The following LRIG2 variants were observed in gnomAD, a reference collection of about 807,000 sequenced individuals.
LRIG2 encodes the protein leucine rich repeats and immunoglobulin like domains 2, also known as leucine-rich repeats and immunoglobulin-like domains protein 2.
Under a neutral mutation model 107.8 loss-of-function variants are expected in LRIG2, and 93 were observed. The ratio of observed to expected loss-of-function variants is 0.86; its 90% confidence interval spans 0.73 to 1.03. The LOEUF (loss-of-function observed/expected upper bound fraction) is 1.03. Ranked by LOEUF, LRIG2 falls within the 50% of genes least tolerant of loss-of-function variation. LRIG2 has a pLI of 0.00. For synonymous variants in LRIG2, 471 were observed against 470.6 expected, an observed-to-expected ratio of 1.00 and a Z score of -0.01; for missense variants, 1,226 against 1,296.0, an observed-to-expected ratio of 0.95 and a Z score of 0.83.
rs771130328 is a variant in LRIG2, at chr1:113,112,676, A to C, written c.1996A>C (p.Lys666Gln). ...TGACGTCTTCTTTATTGCCAATGTG[A>C]AAATAGAAGATATGGGAATCTATAG... ...EDDVFFIANV[K>Q]IEDMGIYSCM... is the part of the protein sequence containing the mutation. The change falls in exon 14 of 18, where the codon AAA becomes CAA. Residue 666 changes from lysine to glutamine, a missense_variant. By Grantham distance (53) the Lys-to-Gln change is moderately conservative (BLOSUM62 1). This residue lies in a region of LRIG2 where 642 missense variants were observed against 712.2 expected (regional missense o/e 0.90). Coordinates refer to ENST00000361127, the MANE Select transcript of LRIG2 (RefSeq NM_014813.3). The C allele has an allele frequency of 6.2e-7, 1 of 1,614,056 alleles. No individual in the cohort carries two copies. The highest frequency in any genetic ancestry group is 1.1e-5 in the South Asian group (1 of 91,084).
At chr1:113,118,773 T>G (rs1290703538) in intron 16 of LRIG2, among the ~76,000 whole-genome samples, 1 of 152,076 alleles carries the variant, frequency 6.6e-6, no homozygotes, top group Non-Finnish European at 1.5e-5. Context: ...CACGCCATCT[T>G]CCTGCCTCAG....
rs1269936778 is a variant in LRIG2 at position 113,073,269 on chromosome 1, C to T, written c.-138C>T. 2.7e-6 allele frequency: 2 copies of T among 729,876 alleles called. No homozygotes were observed. Among genetic ancestry groups the T allele is most frequent in the Non-Finnish European group, 4.7e-6 (2 of 423,810 alleles). 45.2% of individuals were successfully genotyped at this position (729,876 alleles called of 1,614,324 possible). ...GCTGTCGCGCTGCGTCTGCTCCTTG[C>T]ATGCCTTTAGATGGTACAGCCTTCA... On this transcript the variant is annotated 5_prime_UTR_variant, in exon 1 of 18. Coordinates refer to ENST00000361127, the MANE Select transcript of LRIG2 (RefSeq NM_014813.3).
chr1:113,090,999 G>A (rs146568293), intron 1 of LRIG2, among the ~76,000 whole-genome samples: 92 of 151,802 alleles, frequency 6.1e-4, no homozygotes, highest in Non-Finnish European at 1.1e-3. Flanking sequence ...TTACAGGCGT[G>A]TGCCACCACA....
chr1:113,097,069 G>A (rs1380686910), intron 8 of LRIG2, among the ~76,000 whole-genome samples: 2 of 151,952 alleles, frequency 1.3e-5, no homozygotes, highest in Non-Finnish European at 2.9e-5. Context: ...GTGAAGGAAG[G>A]ATATAGGATT....
chr1:113,111,586 A>C (rs981625945), intron 13 of LRIG2, among the ~76,000 whole-genome samples: 114 of 151,992 alleles, frequency 7.5e-4, no homozygotes, highest in African/African-American at 2.7e-3. Flanking sequence ...TTGGTTTTTC[A>C]CTCCACACAG....
In LRIG2 at chr1:113,073,265, C is replaced by A; in HGVS notation, c.-142C>A. 1.4e-6 allele frequency: 1 copy of A among 717,648 alleles called. No homozygotes were observed. Among genetic ancestry groups the A allele is most frequent in the South Asian group, 1.7e-5 (1 of 58,076 alleles). 44.5% of individuals were successfully genotyped at this position (717,648 alleles called of 1,614,324 possible). A position where few individuals can be genotyped will look rare whatever the true frequency, so the allele number is the denominator to read the frequency against. On this transcript the variant is annotated 5_prime_UTR_variant, in exon 1 of 18. Coordinates refer to ENST00000361127, the MANE Select transcript of LRIG2 (RefSeq NM_014813.3). ...CCCCGCTGTCGCGCTGCGTCTGCTC[C>A]TTGCATGCCTTTAGATGGTACAGCC...
rs1655479463 is a variant in LRIG2, at chr1:113,126,199, G to T, written c.*2098G>T. ...GTTATTTGCTCTCTCAATGTCTCAT[G>T]TTGCTGAGTTCTAGAAAATCTCTGT... is the stretch of plus-strand genomic sequence containing the variant. On this transcript the variant is annotated 3_prime_UTR_variant, in exon 18 of 18. Coordinates refer to ENST00000361127, the MANE Select transcript of LRIG2 (RefSeq NM_014813.3). 1 of 152,148 alleles carries T rather than the reference G, an allele frequency of 6.6e-6. No individual in the cohort carries two copies. Among genetic ancestry groups the T allele is most frequent in the Non-Finnish European group, 1.5e-5 (1 of 68,042 alleles). 9.4% of individuals were successfully genotyped at this position (152,148 alleles called of 1,614,324 possible).
In LRIG2 at chr1:113,123,872, C is replaced by G; in HGVS notation, c.2972-3C>G. 1 of 1,613,148 alleles carries G rather than the reference C, an allele frequency of 6.2e-7. No individual in the cohort carries two copies. Among genetic ancestry groups the G allele is most frequent in the Non-Finnish European group, 8.5e-7 (1 of 1,179,304 alleles). On this transcript the variant is annotated splice_polypyrimidine_tract_variant and splice_region_variant and intron_variant, in intron 17 of 17. Transcript: ENST00000361127. ...ACTGATAATTCTTGTCTTTCATTCT[C>G]AGAAACATTGCAGCGGCCCGTGTGG...
chr1:113,107,641 T>C lies in LRIG2; in HGVS notation c.1361T>C (p.Leu454Pro), dbSNP rs1249870432. The C allele has an allele frequency of 6.2e-7, 1 of 1,613,434 alleles. No homozygotes were observed. Among genetic ancestry groups the C allele is most frequent in the Non-Finnish European group, 8.5e-7 (1 of 1,179,502 alleles). ...CTCTGTGACTGCCATTTGAAGTGGC[T>C]ACTTCAATGGTTGGTTGATAATAAC... ...SLLCDCHLKW[L>P]LQWLVDNNFQ... Residue 454 changes from leucine (L) to proline (P), a missense_variant, in exon 12 of 18, where the codon CTA becomes CCA. By Grantham distance (98) the Leu-to-Pro change is moderately conservative. Coordinates refer to ENST00000361127, the MANE Select transcript of LRIG2 (RefSeq NM_014813.3).
chr1:113,107,287 T>C (rs925871800), intron 11 of LRIG2, among the ~76,000 whole-genome samples: 5 of 152,124 alleles, frequency 3.3e-5, no homozygotes, highest in Admixed American at 2.0e-4. Context: ...TCCCCAATGT[T>C]AAAAAAAGTC....
At chr1:113,111,304 C>T (rs547657598) in intron 13 of LRIG2, among the ~76,000 whole-genome samples, 2 of 152,306 alleles carry the variant, frequency 1.3e-5, no homozygotes, top group Admixed American at 1.3e-4. Context: ...CCAAAGTATT[C>T]GGATTACAGG....
At position 113,094,354 on chromosome 1, in the gene LRIG2, C is replaced by T. The variant is rs149861564; in HGVS notation, c.531C>T (p.Asn177=). The T allele has an allele frequency of 2.6e-5, 41 of 1,602,100 alleles. No homozygotes were observed. Among genetic ancestry groups the T allele is most frequent in the Non-Finnish European group, 3.1e-5 (37 of 1,176,894 alleles). ...TTTATTTTAGGAATTTAAGTAATAA[C>T]AGAATAACCACCTTGGAGGCTGGTT... is the stretch of plus-strand genomic sequence containing the variant. The part of the protein sequence containing the change: ...MQLKYLNLSN[N]RITTLEAGCF... Residue 177 remains asparagine (N), a synonymous_variant, in exon 5 of 18, where the codon AAC becomes AAT. Transcript: ENST00000361127.
In LRIG2 at chr1:113,093,149, T is replaced by C. The variant is rs112146690; in HGVS notation, c.306-57T>C. 630 of 1,078,238 alleles carry C rather than the reference T, an allele frequency of 5.8e-4. 2 individuals carry two copies. The African/African-American group carries it at 8.5e-3, about 15-fold the overall frequency. 66.8% of individuals were successfully genotyped at this position (1,078,238 alleles called of 1,614,324 possible). On this transcript the variant is annotated intron_variant, in intron 2 of 17. Coordinates refer to ENST00000361127, the MANE Select transcript of LRIG2 (RefSeq NM_014813.3). ...AATATGTGTTAGCCAGAAGGTAGAA[T>C]CCAAGAGGTAATATTTCCCTCACTA...
At chr1:113,092,932 T>G (rs1470269302) in intron 2 of LRIG2, among the ~76,000 whole-genome samples, 1 of 151,098 alleles carries the variant, frequency 6.6e-6, no homozygotes, top group African/African-American at 2.4e-5. Flanking sequence ...GAGGTTGCAG[T>G]GAGCCAAGAT....
intron 11 of LRIG2, chr1:113,103,586 CTG>C (rs1394870758): frequency 1.3e-5 from 2 of 152,992 alleles, no homozygotes. Context: ...ACAAGTATCA[CTG>C]AGTAATTTTT....
intron 1 of LRIG2, among the ~76,000 whole-genome samples, chr1:113,078,405 A>C (rs574673334): frequency 1.3e-5 from 2 of 151,088 alleles, no homozygotes; most frequent in African/African-American, 2.4e-5. Context: ...CGCCAGGCTA[A>C]TTTTTGTATT....
chr1:113,102,560 G>A (rs949344351), intron 11 of LRIG2, among the ~76,000 whole-genome samples: 27 of 151,936 alleles, frequency 1.8e-4, no homozygotes, highest in African/African-American at 6.5e-4. Flanking sequence ...ATGAGCCACC[G>A]CGCCTGGCCT....
intron 17 of LRIG2, among the ~76,000 whole-genome samples, chr1:113,122,690 C>G (rs1166541650): frequency 1.3e-5 from 2 of 152,100 alleles, no homozygotes; most frequent in Non-Finnish European, 2.9e-5. Context: ...TGTGGGGTAT[C>G]CTAGCTTCTT....
chr1:113,074,838 G>A (rs934999142), intron 1 of LRIG2, among the ~76,000 whole-genome samples: 1 of 151,018 alleles, frequency 6.6e-6, no homozygotes, highest in African/African-American at 2.4e-5. Flanking sequence ...GAACCCGGGA[G>A]GTGGAGGTTG....
Sources: gnomAD v4.1 joint callset for allele counts (sites outside exome capture counted in the v4.1 genomes callset) on GRCh38, gnomAD v4.1.1 for gene constraint, gnomAD v4.1.1 regional missense constraint, MANE v1.5 for transcripts, NCBI Gene and HGNC (gene_info 2026-07-23, HGNC 2026-07-21) for gene names.